Variants in TAX1BP1 observed in about 807,000 individuals in gnomAD.
TAX1BP1 encodes the protein tax1-binding protein 1.
Under a neutral mutation model 97.7 loss-of-function variants are expected in TAX1BP1, and 62 were observed. The ratio of observed to expected loss-of-function variants is 0.63; its 90% confidence interval spans 0.52 to 0.78. The LOEUF (loss-of-function observed/expected upper bound fraction) is 0.78, where lower values mean the gene tolerates loss of function less well. Ranked by LOEUF, TAX1BP1 falls within the 30% of genes least tolerant of loss-of-function variation. The pLI is 0.00. For missense variants in TAX1BP1, 867 were observed against 916.1 expected, an observed-to-expected ratio of 0.95 and a Z score of 0.69; for synonymous variants, 340 against 304.2, an observed-to-expected ratio of 1.12 and a Z score of -1.23.
chr7:27,757,567 A>T (rs975993958), intron 2 of TAX1BP1, among the ~76,000 whole-genome samples: 4 of 152,108 alleles, frequency 2.6e-5, no homozygotes, highest in African/African-American at 4.8e-5. Flanking sequence ...TTTGTAATGC[A>T]TGTCTAATAT....
chr7:27,755,159 T>G (rs1788164534), intron 2 of TAX1BP1, among the ~76,000 whole-genome samples: 1 of 152,232 alleles, frequency 6.6e-6, no homozygotes, highest in African/African-American at 2.4e-5. Flanking sequence ...AAATGAATGC[T>G]TCTACCCATT....
At chr7:27,805,619 C>T (rs2128321772) in intron 13 of TAX1BP1, among the ~76,000 whole-genome samples, 1 of 152,218 alleles carries the variant, frequency 6.6e-6, no homozygotes, top group East Asian at 1.9e-4. Context: ...TGTGGATCAC[C>T]TGAGGTCAGG....
chr7:27,827,209 T>C (rs1469634568), intron 15 of TAX1BP1, among the ~76,000 whole-genome samples: 1 of 151,978 alleles, frequency 6.6e-6, no homozygotes. Context: ...AAAAATTAGC[T>C]GGGCATGGTG....
chr7:27,817,134 G>A (rs548014865), intron 15 of TAX1BP1, 96 bp downstream of exon 15: 101 of 1,376,944 alleles, frequency 7.3e-5, no homozygotes, highest in African/African-American at 7.3e-4. Flanking sequence ...ATCTTTGTGC[G>A]TGCATGCGTG....
intron 8 of TAX1BP1, among the ~76,000 whole-genome samples, chr7:27,788,957 C>T (rs1213743396): frequency 1.3e-5 from 2 of 151,898 alleles, no homozygotes; most frequent in African/African-American, 2.4e-5. Context: ...AGATTTAGTA[C>T]CTTAGGATTC....
At chr7:27,796,989 T>A (rs1004125929) in intron 12 of TAX1BP1, among the ~76,000 whole-genome samples, 2 of 151,014 alleles carry the variant, frequency 1.3e-5, no homozygotes, top group African/African-American at 4.9e-5. Flanking sequence ...ATTTTGATTA[T>A]TATTATTTTA....
intron 12 of TAX1BP1, among the ~76,000 whole-genome samples, chr7:27,797,972 T>G (rs1789999331): frequency 6.6e-6 from 1 of 152,004 alleles, no homozygotes; most frequent in Non-Finnish European, 1.5e-5. Flanking sequence ...GTGCCATCAC[T>G]CTCCCAGTTT....
At chr7:27,788,154 C>G (rs942506952) in intron 8 of TAX1BP1, among the ~76,000 whole-genome samples, 3 of 151,942 alleles carry the variant, frequency 2.0e-5, no homozygotes, top group Non-Finnish European at 2.9e-5. Context: ...AGAAAATGTT[C>G]TATAATCTGG....
chr7:27,798,429 C>G (rs1296197576), intron 12 of TAX1BP1, among the ~76,000 whole-genome samples: 1 of 151,654 alleles, frequency 6.6e-6, no homozygotes, highest in East Asian at 1.9e-4. Context: ...TTTGGGAGGC[C>G]GAGGTGGGAG....
At chr7:27,744,686 A>G (rs1787753053) in intron 1 of TAX1BP1, among the ~76,000 whole-genome samples, 1 of 152,202 alleles carries the variant, frequency 6.6e-6, no homozygotes, top group African/African-American at 2.4e-5. Context: ...GAACCACTGG[A>G]AAAATACTAC....
intron 2 of TAX1BP1, among the ~76,000 whole-genome samples, chr7:27,755,181 T>A (rs1389845717): frequency 6.6e-6 from 1 of 152,230 alleles, no homozygotes; most frequent in Non-Finnish European, 1.5e-5. Flanking sequence ...TACTCCTACC[T>A]TCCCCAGTGA....
intron 3 of TAX1BP1, among the ~76,000 whole-genome samples, chr7:27,760,144 A>G (rs1467375542): frequency 6.6e-6 from 1 of 151,924 alleles, no homozygotes; most frequent in Non-Finnish European, 1.5e-5. Context: ...GTGAGCCACC[A>G]TGCCTGGCCC....
At chr7:27,784,835 T>C (rs775826209) in intron 5 of TAX1BP1, among the ~76,000 whole-genome samples, 4 of 151,280 alleles carry the variant, frequency 2.6e-5, no homozygotes, top group Non-Finnish European at 5.9e-5. Flanking sequence ...AAAAAAAAAT[T>C]AGCCAGGCGT....
At chr7:27,802,361 A>G (rs1583392733) in intron 13 of TAX1BP1, among the ~76,000 whole-genome samples, 1 of 152,214 alleles carries the variant, frequency 6.6e-6, no homozygotes, top group Non-Finnish European at 1.5e-5. Context: ...CCTTTTGGGT[A>G]CCTTCCCTGA....
At chr7:27,774,587 C>T (rs1301830522) in intron 5 of TAX1BP1, among the ~76,000 whole-genome samples, 2 of 151,690 alleles carry the variant, frequency 1.3e-5, no homozygotes, top group South Asian at 2.1e-4. Context: ...CTGAAGGTGA[C>T]GTTTTATTTG....
intron 2 of TAX1BP1, among the ~76,000 whole-genome samples, chr7:27,749,813 G>A (rs1310759312): frequency 6.6e-6 from 1 of 152,074 alleles, no homozygotes; most frequent in Non-Finnish European, 1.5e-5. Context: ...TATTTTTTGA[G>A]ACAGGGTCTT....
chr7:27,787,600 T>TA lies in TAX1BP1; in HGVS notation c.1038dup (p.Glu347ArgfsTer12). On this transcript the variant is annotated frameshift_variant, in exon 8 of 17. Transcript: ENST00000396319. LOFTEE classifies it high-confidence loss of function. ...GAACTTTCCTGCTTACAACCTCAAG[T>TA]AAAGTAAGTACTTTTGCTATATATA... The TA allele has an allele frequency of 6.2e-7, 1 of 1,604,804 alleles. No individual in the cohort carries two copies. Among genetic ancestry groups the TA allele is most frequent in the Non-Finnish European group, 8.5e-7 (1 of 1,176,682 alleles).
chr7:27,804,707 A>G lies in TAX1BP1; in HGVS notation c.1764+4617A>G, dbSNP rs192211697. 2.7e-3 allele frequency among the ~76,000 whole-genome samples: 408 copies of G among 152,340 alleles called. 6 individuals carry two copies. Among genetic ancestry groups the G allele is most frequent in the Non-Finnish European group, 3.6e-3 (243 of 68,016 alleles). On this transcript the variant is annotated intron_variant, in intron 13 of 16. Transcript: ENST00000396319. Reference sequence around the variant, plus strand: ...TAATGTGGCAGATGGGGAATTGTCTACTTGTGGCATCATGTCAGTGCTCAA... The same window carrying G: ...TAATGTGGCAGATGGGGAATTGTCTGCTTGTGGCATCATGTCAGTGCTCAA...
Position 27,796,222 on chromosome 7 carries a change from A to G in TAX1BP1, c.1638+3A>G, listed in dbSNP as rs778460762. ...ATAAATGTAAACAACTCTTGCAGGT[A>G]AGTTAACTACCTTGTAAGTGAAAGA... On this transcript the variant is annotated splice_donor_region_variant and intron_variant, in intron 12 of 16. Coordinates refer to ENST00000396319, the MANE Select transcript of TAX1BP1 (RefSeq NM_006024.7). 1 of 1,564,756 alleles carries G rather than the reference A, an allele frequency of 6.4e-7. No individual in the cohort carries two copies. The highest frequency in any genetic ancestry group is 8.6e-7 in the Non-Finnish European group (1 of 1,158,130).
Sources: allele counts gnomAD v4.1 joint callset (sites outside exome capture counted in the v4.1 genomes callset), GRCh38; gene constraint gnomAD v4.1.1; transcripts MANE v1.5; gene names NCBI Gene and HGNC (gene_info 2026-07-23, HGNC 2026-07-21).